SLC39A14: variants seen among roughly 807,000 people sequenced by gnomAD.
The protein encoded by SLC39A14 is metal cation symporter ZIP14.
In SLC39A14, 19 loss-of-function variants were observed where a neutral mutation model predicts 45.5. The observed-to-expected ratio is 0.42, with a 90% CI of 0.29 to 0.61. The LOEUF is 0.61. Among genes scored for constraint, SLC39A14 ranks in the 20% least tolerant of loss-of-function variants. The pLI is 0.22. For synonymous variants in SLC39A14, 264 were observed against 251.3 expected, an observed-to-expected ratio of 1.05 and a Z score of -0.48; for missense variants, 447 against 616.5, an observed-to-expected ratio of 0.73 and a Z score of 2.91.
intron 8 of SLC39A14, 34 bp downstream of exon 8, chr8:22,417,869 G>C: frequency 6.3e-7 from 1 of 1,575,412 alleles, no homozygotes; most frequent in African/African-American, 1.4e-5. Flanking sequence ...ATGAGAGGGC[G>C]GCTAAGGGGA....
At chr8:22,430,585 C>G (rs13267107) in intron 8 of SLC39A14, among the ~76,000 whole-genome samples, 47,310 of 151,964 alleles carry the variant, frequency 0.31, 7,624 homozygotes, top group East Asian at 0.5. Context: ...GTGTTATGTA[C>G]TGGTTGCCAC....
chr8:22,433,540 CTT>C (rs555154342), intron 8 of SLC39A14, among the ~76,000 whole-genome samples: 24 of 118,210 alleles, frequency 2.0e-4, no homozygotes, highest in Admixed American at 6.2e-4. Flanking sequence ...TTATTTTATG[CTT>C]TTTTTTTTTT....
chr8:22,396,435 AGAGAGAGAGAGAGGGGG>A (rs1834418279), intron 1 of SLC39A14, among the ~76,000 whole-genome samples: 3 of 396 alleles, frequency 7.6e-3, no homozygotes, highest in African/African-American at 0.036. Context: ...AGAGAGAGAG[AGAGAGAGAGAGAGGGGG>A]GGGAGAGAGA....
intron 1 of SLC39A14, among the ~76,000 whole-genome samples, chr8:22,371,771 G>T (rs1201791451): frequency 7.1e-6 from 1 of 140,800 alleles, no homozygotes; most frequent in Non-Finnish European, 1.5e-5. Flanking sequence ...TTGAGACGGA[G>T]CCTTGCTCTG....
At chr8:22,371,468 C>G (rs1479343702) in intron 1 of SLC39A14, among the ~76,000 whole-genome samples, 2 of 63,896 alleles carry the variant, frequency 3.1e-5, no homozygotes, top group Admixed American at 2.2e-4. Context: ...GAGTCTCGCT[C>G]TGTCGCCCAG....
intron 1 of SLC39A14, among the ~76,000 whole-genome samples, chr8:22,393,861 C>T (rs1264189426): frequency 6.6e-6 from 1 of 152,056 alleles, no homozygotes; most frequent in African/African-American, 2.4e-5. Flanking sequence ...TTTATAGAGA[C>T]AGGGTTTCAT....
At position 22,409,836 on chromosome 8, in the gene SLC39A14, G is replaced by A. The variant is rs553846875; in HGVS notation, c.457+1340G>A. The A allele has an allele frequency of 7.5e-6, 8 of 1,068,774 alleles. No homozygotes were observed. The East Asian group carries it at 1.9e-4, about 25-fold the overall frequency. The allele number at this position is 1,068,774 out of a possible 1,614,324, so 66.2% of individuals were successfully genotyped here. ...GCAAATGTTTACTGATGGGTTGGTG[G>A]ATCTCAGTCTGCCCCATCACACCTG... On this transcript the variant is annotated intron_variant, in intron 3 of 8. Transcript: ENST00000381237.
Position 22,404,890 on chromosome 8 carries a change from GCAGCTGAAGGCCCTACTCA to G in SLC39A14, c.181_199del (p.Gln61ThrfsTer95). On this transcript the variant is annotated frameshift_variant, in exon 2 of 9. Coordinates refer to ENST00000381237, the MANE Select transcript of SLC39A14 (RefSeq NM_001128431.4). LOFTEE classifies it high-confidence loss of function. ...GCGAGGGTGACAGCCTCACTCTGCA[GCAGCTGAAGGCCCTACTCA>G]ACCACCTGGATGTGGGAGTGGGCCG... 1 of 1,614,178 alleles carries G rather than the reference GCAGCTGAAGGCCCTACTCA, an allele frequency of 6.2e-7. No individual in the cohort carries two copies. The highest frequency in any genetic ancestry group is 8.5e-7 in the Non-Finnish European group (1 of 1,180,018).
intron 1 of SLC39A14, among the ~76,000 whole-genome samples, chr8:22,380,099 G>C (rs181865000): frequency 4.6e-5 from 7 of 152,276 alleles, no homozygotes. Context: ...GAAGTGCGTA[G>C]GTTATATGCA....
chr8:22,414,926 A>C (rs768474461), intron 5 of SLC39A14, 24 bp downstream of exon 5: 2 of 1,609,700 alleles, frequency 1.2e-6, no homozygotes, highest in African/African-American at 2.7e-5. Flanking sequence ...GTTGCTGAAG[A>C]AAGCTCTTCT....
chr8:22,371,198 C>T (rs759682667), intron 1 of SLC39A14, among the ~76,000 whole-genome samples: 1 of 152,182 alleles, frequency 6.6e-6, no homozygotes, highest in East Asian at 1.9e-4. Context: ...CCGAATTCTC[C>T]GCCTTGGCAA....
chr8:22,405,662 A>AT (rs34266492), intron 2 of SLC39A14, among the ~76,000 whole-genome samples: 47,300 of 151,930 alleles, frequency 0.31, 10,145 homozygotes, highest in African/African-American at 0.62. Flanking sequence ...GACAGAGTCC[A>AT]TTACACACTA....
intron 1 of SLC39A14, among the ~76,000 whole-genome samples, chr8:22,371,446 T>A (rs375869647): frequency 0.61 from 87,344 of 142,780 alleles, 29,195 homozygotes; most frequent in East Asian, 0.82. Flanking sequence ...TTTTTTTTTT[T>A]TTTTTGAGAC....
intron 1 of SLC39A14, among the ~76,000 whole-genome samples, chr8:22,376,173 G>T (rs1833203886): frequency 1.3e-5 from 2 of 151,892 alleles, no homozygotes; most frequent in East Asian, 1.9e-4. Flanking sequence ...ACAGTTTTTT[G>T]TTGTTGTTGT....
At chr8:22,377,215 C>T (rs1199044252) in intron 1 of SLC39A14, among the ~76,000 whole-genome samples, 2 of 151,414 alleles carry the variant, frequency 1.3e-5, no homozygotes, top group African/African-American at 4.8e-5. Flanking sequence ...ATTGTTCTAG[C>T]TTTGACCATT....
intron 1 of SLC39A14, among the ~76,000 whole-genome samples, chr8:22,401,733 A>G (rs1406713403): frequency 6.6e-6 from 1 of 151,134 alleles, no homozygotes; most frequent in Non-Finnish European, 1.5e-5. Flanking sequence ...ACGGGGTTTC[A>G]CCGTGTTGGC....
At chr8:22,404,593 C>T in intron 1 of SLC39A14, 103 bp from the exon 2 acceptor site, 1 of 1,098,338 alleles carries the variant, frequency 9.1e-7, no homozygotes, top group Non-Finnish European at 1.3e-6. Flanking sequence ...GAAGCAGAGA[C>T]TGAGGGATAG....
chr8:22,413,711 A>C (rs1835710815), intron 4 of SLC39A14, among the ~76,000 whole-genome samples: 1 of 152,184 alleles, frequency 6.6e-6, no homozygotes, highest in Admixed American at 6.6e-5. Context: ...AACCCGGTAA[A>C]TATATATACT....
At chr8:22,424,777 A>T (rs1836354420), downstream of SLC39A14, among the ~76,000 whole-genome samples, 1 of 152,170 alleles carries the variant, frequency 6.6e-6, no homozygotes, top group Non-Finnish European at 1.5e-5. Flanking sequence ...CTGTAATCCC[A>T]GCACTTTAGG....
Sources: gnomAD v4.1 joint callset for allele counts (sites outside exome capture counted in the v4.1 genomes callset) on GRCh38, gnomAD v4.1.1 for gene constraint, MANE v1.5 for transcripts, NCBI Gene and HGNC (gene_info 2026-07-23, HGNC 2026-07-21) for gene names.